Variants in BCL2 observed in about 807,000 individuals in gnomAD.
BCL2 encodes apoptosis regulator Bcl-2.
A neutral mutation model predicts 14.2 loss-of-function variants in BCL2; 1 was observed. The ratio of observed to expected loss-of-function variants is 0.07; its 90% CI spans 0.02 to 0.33. The LOEUF is 0.33. BCL2 is among the 10% of genes least tolerant of loss of function. The pLI is 0.99. For missense variants in BCL2, 247 were observed against 305.9 expected, an observed-to-expected ratio of 0.81 and a Z score of 1.44; for synonymous variants, 151 against 137.2, an observed-to-expected ratio of 1.10 and a Z score of -0.70.
At chr18:63,193,290 G>A (rs1307214147) in intron 2 of BCL2, among the ~76,000 whole-genome samples, 1 of 152,162 alleles carries the variant, frequency 6.6e-6, no homozygotes, top group African/African-American at 2.4e-5. Context: ...GTCCATTAAA[G>A]TGACATTTGT....
intron 2 of BCL2, among the ~76,000 whole-genome samples, chr18:63,268,526 T>C (rs1911905266): frequency 2.0e-5 from 3 of 152,206 alleles, no homozygotes. Flanking sequence ...TTTTCACTTA[T>C]AAAATTGAGA....
At chr18:63,221,190 A>G (rs1205795485) in intron 2 of BCL2, among the ~76,000 whole-genome samples, 1 of 152,228 alleles carries the variant, frequency 6.6e-6, no homozygotes, top group Non-Finnish European at 1.5e-5. Context: ...TTCCTTAAGT[A>G]AAATGCTAGG....
At chr18:63,304,276 T>C (rs939122801) in intron 2 of BCL2, among the ~76,000 whole-genome samples, 2 of 152,226 alleles carry the variant, frequency 1.3e-5, no homozygotes, top group Admixed American at 6.5e-5. Context: ...AGAACAATGA[T>C]TGGCCCAGAG....
At chr18:63,309,574 C>T (rs1034158492) in intron 2 of BCL2, among the ~76,000 whole-genome samples, 3 of 152,176 alleles carry the variant, frequency 2.0e-5, no homozygotes, top group Admixed American at 1.3e-4. Context: ...CTGTCCTGTC[C>T]TTTCTGTTCC....
rs528074102 is a variant in BCL2 at position 63,127,807 on chromosome 18, C to T, written c.*818G>A. 7.1e-5 allele frequency: 16 copies of T among 224,316 alleles called. No individual in the cohort carries two copies. The highest frequency in any genetic ancestry group is 3.7e-4 in the South Asian group (2 of 5,440). The allele number at this position is 224,316 out of a possible 1,614,324, so 13.9% of individuals were successfully genotyped here. ...AGCCAGTATTGGGAGTTGGGGGGTG[C>T]GTATCCAAAATATATGAATATACAC... On this transcript the variant is annotated 3_prime_UTR_variant, in exon 3 of 3. Coordinates refer to ENST00000333681, the MANE Select transcript of BCL2 (RefSeq NM_000633.3).
At chr18:63,307,215 A>G (rs955562945) in intron 2 of BCL2, among the ~76,000 whole-genome samples, 4 of 152,226 alleles carry the variant, frequency 2.6e-5, no homozygotes, top group African/African-American at 9.6e-5. Flanking sequence ...TTTAAAAAAG[A>G]GTCAAGTATC....
At chr18:63,167,244 T>C (rs1481181544) in intron 2 of BCL2, among the ~76,000 whole-genome samples, 1 of 152,216 alleles carries the variant, frequency 6.6e-6, no homozygotes, top group Non-Finnish European at 1.5e-5. Flanking sequence ...CTCTTTCATC[T>C]ATCTATTCAT....
At chr18:63,258,701 G>A (rs970317575) in intron 2 of BCL2, among the ~76,000 whole-genome samples, 2 of 152,218 alleles carry the variant, frequency 1.3e-5, no homozygotes, top group East Asian at 1.9e-4. Context: ...GAGCAGAGCC[G>A]AGTTGGGAGG....
intron 2 of BCL2, among the ~76,000 whole-genome samples, chr18:63,217,054 G>A (rs1910226421): frequency 1.3e-5 from 2 of 152,174 alleles, no homozygotes; most frequent in African/African-American, 4.8e-5. Context: ...GAGACGCCAT[G>A]CCAACCACCA....
intron 2 of BCL2, among the ~76,000 whole-genome samples, chr18:63,271,438 T>C (rs1052135377): frequency 2.0e-5 from 3 of 152,160 alleles, no homozygotes; most frequent in African/African-American, 4.8e-5. Context: ...AAAAGAGGTA[T>C]TGGAGAGCAA....
At chr18:63,256,482 G>C (rs1460531381) in intron 2 of BCL2, among the ~76,000 whole-genome samples, 1 of 152,232 alleles carries the variant, frequency 6.6e-6, no homozygotes, top group Non-Finnish European at 1.5e-5. Context: ...CTCCCAAAGT[G>C]CTGGGATTAC....
At chr18:63,302,278 G>T in intron 2 of BCL2, 1 of 935,442 alleles carries the variant, frequency 1.1e-6, no homozygotes, top group Non-Finnish European at 1.3e-6. Context: ...TCCAGCCTGG[G>T]CAACAAGAGC....
chr18:63,162,799 C>A (rs59532114), intron 2 of BCL2, among the ~76,000 whole-genome samples: 15,573 of 151,766 alleles, frequency 0.1, 1,425 homozygotes, highest in African/African-American at 0.24. Context: ...CCAAACTCTG[C>A]CCTCCTTCCT....
rs1311281931 is a variant in BCL2, at chr18:63,287,743, C to T, written c.585+30339G>A. Among the ~76,000 whole-genome samples, 4 of 152,068 alleles carry T rather than the reference C, an allele frequency of 2.6e-5. No individual in the cohort carries two copies. In the East Asian group the frequency reaches 7.7e-4, roughly 29 times the overall value. On this transcript the variant is annotated intron_variant, in intron 2 of 2. Transcript: ENST00000333681. The stretch of plus-strand genomic sequence containing the variant: ...AGAGGTTGAATTAGAGCAGCAGCAG[C>T]AGCAGGATAAAAAAATAATAAAATA...
At chr18:63,143,659 C>T (rs1262550482) in intron 2 of BCL2, among the ~76,000 whole-genome samples, 1 of 152,226 alleles carries the variant, frequency 6.6e-6, no homozygotes, top group Non-Finnish European at 1.5e-5. Context: ...AACTGTGCTA[C>T]GGGGCCTTTA....
At chr18:63,302,102 T>G (rs1331644872) in intron 2 of BCL2, among the ~76,000 whole-genome samples, 4 of 151,674 alleles carry the variant, frequency 2.6e-5, no homozygotes, top group East Asian at 1.9e-4. Flanking sequence ...CCGAGGCAGG[T>G]GGATCATCTG....
At chr18:63,231,538 T>C (rs962218675) in intron 2 of BCL2, among the ~76,000 whole-genome samples, 25 of 152,144 alleles carry the variant, frequency 1.6e-4, no homozygotes, top group African/African-American at 5.5e-4. Context: ...CAAACATCCA[T>C]GGCATCAGTA....
At position 63,318,464 on chromosome 18, in the gene BCL2, C is replaced by A; in HGVS notation, c.203G>T (p.Arg68Met). ...AGCCGGGGTCTGCAGCGGCGAGGTC[C>A]TGGCGACCGGGTCCCGGGATGCGGC... ...HPAASRDPVA[R>M]TSPLQTPAAP... The change falls in exon 2 of 3, where the codon AGG becomes ATG. Residue 68 changes from arginine (R) to methionine (M), a missense_variant. Around this residue, in one of 3 missense-constraint regions of BCL2, gnomAD observed 144 missense variants for 135.3 expected, o/e 1.06. Transcript: ENST00000333681. This position sits in a 1 kb window ranked among gnomAD's most constrained non-coding sequence, Gnocchi z 7.4. 1.4e-6 allele frequency: 2 copies of A among 1,474,848 alleles called. No homozygotes were observed. Among genetic ancestry groups the A allele is most frequent in the Non-Finnish European group, 1.8e-6 (2 of 1,123,854 alleles). 91.4% of individuals were successfully genotyped at this position (1,474,848 alleles called of 1,614,324 possible).
intron 2 of BCL2, among the ~76,000 whole-genome samples, chr18:63,151,525 A>G (rs1318317226): frequency 8.6e-5 from 8 of 92,874 alleles, no homozygotes; most frequent in African/African-American, 2.2e-4. Flanking sequence ...GGGCGAGGGG[A>G]GGGGACAGCA....
Sources: gnomAD v4.1 joint callset for allele counts (sites outside exome capture counted in the v4.1 genomes callset) on GRCh38, gnomAD v4.1.1 for gene constraint, gnomAD v4.1.1 regional missense constraint, Gnocchi (gnomAD v3.1) non-coding constraint, MANE v1.5 for transcripts, NCBI Gene and HGNC (gene_info 2026-07-23, HGNC 2026-07-21) for gene names.